The following MTO1 variants were observed in gnomAD, a reference collection of about 807,000 sequenced individuals.
MTO1 encodes the protein mitochondrial tRNA translation optimization 1, also known as 5-taurinomethyluridine-[tRNA] synthase subunit MTO1, mitochondrial.
Under a neutral mutation model 71.6 loss-of-function variants are expected in MTO1, and 46 were observed. The observed-to-expected ratio is 0.64, with a 90% CI of 0.51 to 0.82. The LOEUF is 0.82. Among genes scored for constraint, MTO1 ranks in the 40% least tolerant of loss-of-function variants. The pLI is 0.00. For missense variants in MTO1, 773 were observed against 867.5 expected, an observed-to-expected ratio of 0.89 and a Z score of 1.37; for synonymous variants, 297 against 312.1, an observed-to-expected ratio of 0.95 and a Z score of 0.51.
At chr6:73,469,184 T>C (rs563265526) in intron 3 of MTO1, among the ~76,000 whole-genome samples, 1 of 151,960 alleles carries the variant, frequency 6.6e-6, no homozygotes, top group Non-Finnish European at 1.5e-5. Flanking sequence ...TTCAATTTTT[T>C]TGGAGACGTG....
At position 73,461,879 on chromosome 6, in the gene MTO1, C is replaced by T; in HGVS notation, c.25C>T (p.Arg9Cys). ...CATGTTCTACTTCCGAGGCTGTGGC[C>T]GTTGGGTCGCGGTTTCCTTCACCAA... is the stretch of plus-strand genomic sequence containing the variant. MFYFRGCG[R>C]WVAVSFTKQQ... Residue 9 changes from arginine (R) to cysteine (C), a missense_variant, in exon 1 of 12, where the codon CGT (arginine) becomes TGT (cysteine). Physicochemically the swap from Arg to Cys is radical, Grantham distance 180 (BLOSUM62 -3). Transcript: ENST00000498286. 6.2e-7 allele frequency: 1 copy of T among 1,613,888 alleles called. No individual in the cohort carries two copies. The highest frequency in any genetic ancestry group is 8.5e-7 in the Non-Finnish European group (1 of 1,179,734).
rs1772321010 is a variant in MTO1 at position 73,507,578 on chromosome 6, T to G, written c.*6843T>G. ...ATGTAATTAAAGTCTAACTTCAAGT[T>G]GCTGTTGAGCATAGATCTCAGGTCT... On this transcript the variant is annotated 3_prime_UTR_variant, in exon 12 of 12. Transcript: ENST00000498286. 1 of 152,252 alleles carries G rather than the reference T, an allele frequency of 6.6e-6. No individual in the cohort carries two copies. Among genetic ancestry groups the G allele is most frequent in the South Asian group, 2.1e-4 (1 of 4,834 alleles). The allele number at this position is 152,252 out of a possible 1,614,324, so 9.4% of individuals were successfully genotyped here. A position where few individuals can be genotyped will look rare whatever the true frequency, so the allele number is the denominator to read the frequency against.
chr6:73,466,244 G>A lies in MTO1; in HGVS notation c.253G>A (p.Gly85Arg), dbSNP rs1054967842. Residue 85 changes from glycine (G) to arginine (R), a missense_variant, in exon 2 of 12, where the codon GGA becomes AGA. Physicochemically the swap from Gly to Arg is moderately radical, Grantham distance 125. Transcript: ENST00000498286. ...ATGTAATCCTTCCTTTGGTGGCATC[G>A]GAAAGGGACATTTAATGAGGGAAGT... Reference protein sequence around the residue: ...MSCNPSFGGIGKGHLMREVDA... With the variant: ...MSCNPSFGGIRKGHLMREVDA... The A allele has an allele frequency of 1.2e-5, 19 of 1,613,814 alleles. No individual in the cohort carries two copies. The highest frequency in any genetic ancestry group is 1.5e-5 in the Non-Finnish European group (18 of 1,179,904).
chr6:73,477,839 A>ACCCT (rs1771371887), intron 4 of MTO1, among the ~76,000 whole-genome samples: 1 of 152,086 alleles, frequency 6.6e-6, no homozygotes, highest in Admixed American at 6.6e-5. Flanking sequence ...ATCAAGGGTC[A>ACCCT]TGCATTGCGT....
chr6:73,462,589 C>T (rs998953158), intron 1 of MTO1, among the ~76,000 whole-genome samples: 5 of 151,946 alleles, frequency 3.3e-5, no homozygotes, highest in South Asian at 2.1e-4. Flanking sequence ...ATTAGCCGGG[C>T]ATGGTGGCGG....
At position 73,505,711 on chromosome 6, in the gene MTO1, G is replaced by T. The variant is rs894384133; in HGVS notation, c.*4976G>T. ...TGGGATTACAGGCGCCTGCCATCAT[G>T]CCCAGCTAATTTTTGTATTTTTAAT... On this transcript the variant is annotated 3_prime_UTR_variant, in exon 12 of 12. Transcript: ENST00000498286. 2.0e-5 allele frequency: 3 copies of T among 152,112 alleles called. No individual in the cohort carries two copies. The highest frequency in any genetic ancestry group is 4.4e-5 in the Non-Finnish European group (3 of 68,054). The allele number at this position is 152,112 out of a possible 1,614,324, so 9.4% of individuals were successfully genotyped here.
At position 73,508,700 on chromosome 6, in the gene MTO1, T is replaced by C. The variant is rs1772350427; in HGVS notation, c.*7965T>C. 1.3e-5 allele frequency: 2 copies of C among 152,138 alleles called. No individual in the cohort carries two copies. The highest frequency in any genetic ancestry group is 6.6e-5 in the Admixed American group (1 of 15,258). 9.4% of individuals were successfully genotyped at this position (152,138 alleles called of 1,614,324 possible). A position where few individuals can be genotyped will look rare whatever the true frequency, so the allele number is the denominator to read the frequency against. On this transcript the variant is annotated 3_prime_UTR_variant, in exon 12 of 12. Coordinates refer to ENST00000498286, the MANE Select transcript of MTO1 (RefSeq NM_012123.4). ...TGCATCCCTAACTTCAACATAAAGATAGCTATGAGAAAACATTCTTTGTAC... is the reference window on the plus strand; with the variant it reads ...TGCATCCCTAACTTCAACATAAAGACAGCTATGAGAAAACATTCTTTGTAC...
intron 1 of MTO1, among the ~76,000 whole-genome samples, chr6:73,464,975 C>A (rs1770943050): frequency 6.6e-6 from 1 of 151,804 alleles, no homozygotes; most frequent in Non-Finnish European, 1.5e-5. Flanking sequence ...TGGGTTTAGA[C>A]CTCCAGGTAA....
At chr6:73,469,790 G>A (rs955953579) in intron 3 of MTO1, among the ~76,000 whole-genome samples, 2 of 152,152 alleles carry the variant, frequency 1.3e-5, no homozygotes, top group African/African-American at 2.4e-5. Flanking sequence ...TGGATCACCT[G>A]AGGTTGGGAG....
Position 73,505,983 on chromosome 6 carries a change from C to CT in MTO1, c.*5258dup, listed in dbSNP as rs527328945. 9.5e-4 allele frequency: 142 copies of CT among 149,908 alleles called. 1 individual carries two copies. The highest frequency in any genetic ancestry group is 2.3e-3 in the Admixed American group (34 of 15,006). 9.3% of individuals were successfully genotyped at this position (149,908 alleles called of 1,614,324 possible). A position where few individuals can be genotyped will look rare whatever the true frequency, so the allele number is the denominator to read the frequency against. On this transcript the variant is annotated 3_prime_UTR_variant, in exon 12 of 12. Coordinates refer to ENST00000498286, the MANE Select transcript of MTO1 (RefSeq NM_012123.4). ...TGGTTACGATGGAATTTTTCTTTTT[C>CT]TTTTTTTTTTCTTGAGACGGAGTCT...
chr6:73,465,708 C>G (rs562804246), intron 1 of MTO1, among the ~76,000 whole-genome samples: 1 of 151,914 alleles, frequency 6.6e-6, no homozygotes, highest in Non-Finnish European at 1.5e-5. Context: ...AAGTTCAGGC[C>G]GGGCGCGGTG....
At chr6:73,465,037 A>G (rs988379881) in intron 1 of MTO1, among the ~76,000 whole-genome samples, 1 of 152,140 alleles carries the variant, frequency 6.6e-6, no homozygotes, top group African/African-American at 2.4e-5. Flanking sequence ...ACTCACAAGA[A>G]ATTTGTAATT....
At chr6:73,500,526 T>G in intron 11 of MTO1, 48 bp from the exon 12 acceptor site, 1 of 1,518,368 alleles carries the variant, frequency 6.6e-7, no homozygotes, top group Non-Finnish European at 8.9e-7. Context: ...TAGATTTGAT[T>G]TGACATAGCA....
At chr6:73,481,650 C>T (rs1771494444) in intron 7 of MTO1, among the ~76,000 whole-genome samples, 1 of 151,936 alleles carries the variant, frequency 6.6e-6, no homozygotes, top group African/African-American at 2.4e-5. Flanking sequence ...TGCCTATAGT[C>T]CCAGCTACTT....
chr6:73,486,035 A>G (rs143993901), intron 9 of MTO1, among the ~76,000 whole-genome samples: 381 of 152,326 alleles, frequency 2.5e-3, no homozygotes, highest in Middle Eastern at 0.014. Flanking sequence ...TTGTTGAAGT[A>G]TGCTAACTTA....
chr6:73,464,835 CAAAAAAAAAAAA>C (rs70996805), intron 1 of MTO1, among the ~76,000 whole-genome samples: 4 of 28,354 alleles, frequency 1.4e-4, no homozygotes, highest in Non-Finnish European at 2.6e-4. Flanking sequence ...AACTCTGTCT[CAAAAAAAAAAAA>C]AAAAAAAAAA....
At position 73,486,766 on chromosome 6, in the gene MTO1, G is replaced by A. The variant is rs115400528; in HGVS notation, c.1637+4146G>A. The A allele has an allele frequency of 8.3e-3, 1,653 of 198,764 alleles. 24 individuals are homozygous for A. Among genetic ancestry groups the A allele is most frequent in the African/African-American group, 0.037 (1,550 of 42,130 alleles). 12.3% of individuals were successfully genotyped at this position (198,764 alleles called of 1,614,324 possible). On this transcript the variant is annotated intron_variant, in intron 9 of 11. Transcript: ENST00000498286. ...AAAAAAGAAAAGACTCATACAGTAT[G>A]TGTTTTTGTGACTGGCTTATTTCAT...
chr6:73,493,803 A>G (rs566642498), intron 10 of MTO1, among the ~76,000 whole-genome samples: 39 of 152,300 alleles, frequency 2.6e-4, no homozygotes, highest in African/African-American at 8.9e-4. Context: ...TTGACAGTAT[A>G]CTGAAATACT....
At chr6:73,492,210 A>T in intron 9 of MTO1, 24 bp from the exon 10 acceptor site, 1 of 1,460,182 alleles carries the variant, frequency 6.8e-7, no homozygotes, top group Non-Finnish European at 9.6e-7. Flanking sequence ...TCCTTATGTT[A>T]ATGAAACTTT....
Sources: gnomAD v4.1 joint callset for allele counts (sites outside exome capture counted in the v4.1 genomes callset) on GRCh38, gnomAD v4.1.1 for gene constraint, MANE v1.5 for transcripts, NCBI Gene and HGNC (gene_info 2026-07-23, HGNC 2026-07-21) for gene names.